Variants in HEXB observed in about 807,000 individuals in gnomAD.
The protein encoded by HEXB is beta-hexosaminidase subunit beta.
Under a neutral mutation model 71.2 loss-of-function variants are expected in HEXB, and 51 were observed. That is an observed-to-expected ratio of 0.72 (90% CI 0.57 to 0.90). The LOEUF (loss-of-function observed/expected upper bound fraction) is 0.90, where lower values mean the gene tolerates loss of function less well. Among genes scored for constraint, HEXB ranks in the 40% least tolerant of loss-of-function variants. The probability of loss-of-function intolerance (pLI) is 0.00; values close to 1 mark genes in which losing one functional copy is unlikely to be tolerated. For synonymous variants in HEXB, 266 were observed against 249.3 expected, an observed-to-expected ratio of 1.07 and a Z score of -0.63; for missense variants, 617 against 677.0, an observed-to-expected ratio of 0.91 and a Z score of 0.98.
intron 1 of HEXB, among the ~76,000 whole-genome samples, chr5:74,653,793 G>C (rs1368621879): frequency 3.3e-5 from 5 of 152,156 alleles, no homozygotes; most frequent in Non-Finnish European, 7.3e-5. Context: ...ACAATGGAAA[G>C]ATAGCACATA....
At chr5:74,695,397 G>A (rs1033661022) in intron 3 of HEXB, among the ~76,000 whole-genome samples, 35 of 150,662 alleles carry the variant, frequency 2.3e-4, no homozygotes, top group African/African-American at 8.0e-4. Context: ...TAGAGACAGG[G>A]TTTCACTGTG....
chr5:74,707,888 T>C (rs1383835131), intron 6 of HEXB, among the ~76,000 whole-genome samples: 2 of 152,144 alleles, frequency 1.3e-5, no homozygotes. Flanking sequence ...CCAGGAGAAT[T>C]TCCCCAATCT....
At chr5:74,676,840 A>G (rs183615960) in intron 1 of HEXB, among the ~76,000 whole-genome samples, 48 of 152,312 alleles carry the variant, frequency 3.2e-4, no homozygotes, top group African/African-American at 1.1e-3. Flanking sequence ...CATTAAAATA[A>G]CATAAGCTAT....
intron 5 of HEXB, among the ~76,000 whole-genome samples, chr5:74,702,124 G>A (rs1174754207): frequency 8.1e-6 from 1 of 123,524 alleles, no homozygotes; most frequent in Non-Finnish European, 1.6e-5. Context: ...TGTCGCCCAG[G>A]CTGGAGTGCA....
In HEXB at chr5:74,718,817, T is replaced by TG. The variant is rs2112180571; in HGVS notation, c.1264dup (p.Glu422GlyfsTer10). The TG allele has an allele frequency of 1.2e-6, 2 of 1,614,180 alleles. No individual in the cohort carries two copies. The highest frequency in any genetic ancestry group is 1.7e-6 in the Non-Finnish European group (2 of 1,180,024). ...AATAGCTTGCGCCGGGCACAATAGTTGAAGTATGGAAAGACAGCGCATATC... is the reference window on the plus strand; with the variant it reads ...AATAGCTTGCGCCGGGCACAATAGTTGGAAGTATGGAAAGACAGCGCATATC... On this transcript the variant is annotated frameshift_variant, in exon 11 of 14. Coordinates refer to ENST00000261416, the MANE Select transcript of HEXB (RefSeq NM_000521.4). LOFTEE classifies it high-confidence loss of function.
chr5:74,676,141 C>T (rs1384456228), intron 1 of HEXB, among the ~76,000 whole-genome samples: 1 of 151,966 alleles, frequency 6.6e-6, no homozygotes, highest in African/African-American at 2.4e-5. Context: ...TGTTTTGGAC[C>T]TTGTCAATCA....
intron 1 of HEXB, among the ~76,000 whole-genome samples, chr5:74,679,837 A>G (rs1748706739): frequency 8.9e-6 from 1 of 112,688 alleles, no homozygotes; most frequent in Non-Finnish European, 2.1e-5. Flanking sequence ...TATGGCTTTC[A>G]GGCAGAAATC....
intron 1 of HEXB, among the ~76,000 whole-genome samples, chr5:74,657,218 A>T (rs1368048143): frequency 6.6e-6 from 1 of 152,048 alleles, no homozygotes; most frequent in African/African-American, 2.4e-5. Context: ...TCTCCTTTCC[A>T]TGAGCCACAA....
intron 8 of HEXB, 54 bp downstream of exon 8, chr5:74,715,744 C>T (rs949913008): frequency 1.7e-5 from 21 of 1,249,632 alleles, no homozygotes; most frequent in African/African-American, 6.0e-5. Context: ...AGGCTGGGTG[C>T]GGTGGCTCAC....
At chr5:74,689,196 G>A (rs1386664494) in intron 1 of HEXB, 132 bp from the exon 2 acceptor site, 4 of 743,924 alleles carry the variant, frequency 5.4e-6, no homozygotes, top group Non-Finnish European at 9.5e-6. Flanking sequence ...ACAGCTTGGG[G>A]TGAGAATCTC....
intron 1 of HEXB, among the ~76,000 whole-genome samples, chr5:74,662,443 T>C (rs2112090480): frequency 6.6e-6 from 1 of 152,362 alleles, no homozygotes; most frequent in East Asian, 1.9e-4. Context: ...AAGCTAATCA[T>C]TCTCCCTATT....
At chr5:74,668,289 A>G (rs1748472583) in intron 1 of HEXB, among the ~76,000 whole-genome samples, 1 of 150,088 alleles carries the variant, frequency 6.7e-6, no homozygotes, top group African/African-American at 2.5e-5. Context: ...TTGATTTTGA[A>G]TTCTGCTTTT....
At chr5:74,687,200 C>T (rs1198147761) in intron 1 of HEXB, among the ~76,000 whole-genome samples, 1 of 152,194 alleles carries the variant, frequency 6.6e-6, no homozygotes, top group Non-Finnish European at 1.5e-5. Context: ...TGAAGGCATG[C>T]ATGTGAGCAT....
chr5:74,698,676 C>A (rs1749176522), intron 5 of HEXB, among the ~76,000 whole-genome samples: 1 of 152,056 alleles, frequency 6.6e-6, no homozygotes, highest in African/African-American at 2.4e-5. Flanking sequence ...AGGTGTGAGC[C>A]ACCACGCCTG....
At chr5:74,702,280 G>C (rs551021333) in intron 5 of HEXB, among the ~76,000 whole-genome samples, 2 of 150,776 alleles carry the variant, frequency 1.3e-5, no homozygotes, top group African/African-American at 4.9e-5. Context: ...GGGTTTCACC[G>C]TTTTAGCCGG....
chr5:74,648,263 C>A (rs189781511), intron 1 of HEXB, among the ~76,000 whole-genome samples: 1 of 152,284 alleles, frequency 6.6e-6, no homozygotes, highest in East Asian at 1.9e-4. Context: ...AGAAAATTAT[C>A]CCAAATGGTC....
intron 8 of HEXB, 29 bp from the exon 9 acceptor site, chr5:74,716,557 TA>T: frequency 7.2e-7 from 1 of 1,383,282 alleles, no homozygotes; most frequent in Non-Finnish European, 1.0e-6. Flanking sequence ...ATCAAACTTC[TA>T]ATGAAATTTT....
chr5:74,684,639 C>A (rs934060762), upstream of HEXB, among the ~76,000 whole-genome samples: 1 of 151,658 alleles, frequency 6.6e-6, no homozygotes, highest in South Asian at 2.1e-4. Context: ...CCTGGCGTCC[C>A]GAGCCTGTGC....
upstream of HEXB, among the ~76,000 whole-genome samples, chr5:74,683,443 A>C (rs772287654): frequency 6.6e-6 from 1 of 152,050 alleles, no homozygotes. Flanking sequence ...AGCTGGGATT[A>C]CGGGCGTGTG....
Sources: allele counts gnomAD v4.1 joint callset (sites outside exome capture counted in the v4.1 genomes callset), GRCh38; gene constraint gnomAD v4.1.1; transcripts MANE v1.5; gene names NCBI Gene and HGNC (gene_info 2026-07-23, HGNC 2026-07-21).